Variants in AGFG1 observed in about 807,000 individuals in gnomAD.
AGFG1 encodes ArfGAP with FG repeats 1.
A neutral mutation model predicts 60.6 loss-of-function variants in AGFG1; 10 were observed. That is an observed-to-expected ratio of 0.16 (90% CI 0.10 to 0.28). AGFG1 has a LOEUF of 0.28. AGFG1 is among the 10% of genes least tolerant of loss of function. The probability of loss-of-function intolerance (pLI) is 1.00; values close to 1 mark genes in which losing one functional copy is unlikely to be tolerated. For missense variants in AGFG1, 537 were observed against 676.5 expected, an observed-to-expected ratio of 0.79 and a Z score of 2.29; for synonymous variants, 247 against 242.9, an observed-to-expected ratio of 1.02 and a Z score of -0.16.
At chr2:227,553,620 C>A in intron 11 of AGFG1, 84 bp from the exon 12 acceptor site, 1 of 1,121,760 alleles carries the variant, frequency 8.9e-7, no homozygotes, top group Non-Finnish European at 1.3e-6. Flanking sequence ...GTAGGAATGT[C>A]TCTGAAAGTT....
chr2:227,549,973 CTT>C, intron 10 of AGFG1: 2 of 406,876 alleles, frequency 4.9e-6, no homozygotes, highest in Non-Finnish European at 1.0e-5. Flanking sequence ...AATTTTATAA[CTT>C]TTTAATGAAA....
At position 227,557,406 on chromosome 2, in the gene AGFG1, T is replaced by A. The variant is rs1296455163; in HGVS notation, c.*2911T>A. The A allele has an allele frequency of 6.6e-6, 1 of 152,156 alleles. No individual in the cohort carries two copies. Among genetic ancestry groups the A allele is most frequent in the Non-Finnish European group, 1.5e-5 (1 of 68,038 alleles). The allele number at this position is 152,156 out of a possible 1,614,324, so 9.4% of individuals were successfully genotyped here. Reference sequence around the variant, plus strand: ...CCCGCCCCCCTGCACACACACCCACTTTAGTACAGTTCCTGTCAATTGGCA... The same window carrying A: ...CCCGCCCCCCTGCACACACACCCACATTAGTACAGTTCCTGTCAATTGGCA... On this transcript the variant is annotated 3_prime_UTR_variant, in exon 13 of 13. Transcript: ENST00000310078.
At chr2:227,498,507 C>G (rs1385594835) in intron 2 of AGFG1, among the ~76,000 whole-genome samples, 1 of 152,150 alleles carries the variant, frequency 6.6e-6, no homozygotes, top group Non-Finnish European at 1.5e-5. Context: ...TATTTATGCA[C>G]GTCTGGCCTT....
chr2:227,520,932 G>A (rs1308641346), intron 3 of AGFG1, among the ~76,000 whole-genome samples: 1 of 152,214 alleles, frequency 6.6e-6, no homozygotes, highest in Non-Finnish European at 1.5e-5. Flanking sequence ...TCTGTTCAGA[G>A]CCTGTTTTGG....
chr2:227,522,824 G>A (rs1252488834), intron 3 of AGFG1, among the ~76,000 whole-genome samples: 1 of 152,174 alleles, frequency 6.6e-6, no homozygotes, highest in Non-Finnish European at 1.5e-5. Context: ...CCTATGTTTG[G>A]ACATTATTAT....
At chr2:227,476,266 T>C (rs1257289435) in intron 1 of AGFG1, among the ~76,000 whole-genome samples, 1 of 152,196 alleles carries the variant, frequency 6.6e-6, no homozygotes, top group Non-Finnish European at 1.5e-5. Context: ...TTTATGGAAA[T>C]CCCTAAAATT....
intron 2 of AGFG1, among the ~76,000 whole-genome samples, chr2:227,519,663 A>G (rs1341718706): frequency 6.6e-6 from 1 of 152,176 alleles, no homozygotes; most frequent in East Asian, 1.9e-4. Flanking sequence ...TGACTTTGCT[A>G]ATGGTGAAGT....
rs1691938408 is a variant in AGFG1, at chr2:227,524,768, G to T, written c.547G>T (p.Val183Phe). 2 of 1,614,126 alleles carry T rather than the reference G, an allele frequency of 1.2e-6. No individual in the cohort carries two copies. Among genetic ancestry groups the T allele is most frequent in the Non-Finnish European group, 1.7e-6 (2 of 1,179,974 alleles). The stretch of plus-strand genomic sequence containing the variant: ...GTTAATATGTGGTTTGTAGTCCCCA[G>T]TTGTAGGTCGTTCTCAAGGGCAGCA... ...LNKGTPSQSP[V>F]VGRSQGQQQE... is the part of the protein sequence containing the mutation. The change falls in exon 5 of 13, where the codon GTT becomes TTT. Residue 183 changes from valine (V) to phenylalanine (F), a missense_variant. Around this residue, in one of 4 missense-constraint regions of AGFG1, gnomAD observed 102 missense variants for 82.9 expected, o/e 1.23. Coordinates refer to ENST00000310078, the MANE Select transcript of AGFG1 (RefSeq NM_004504.5).
intron 2 of AGFG1, among the ~76,000 whole-genome samples, chr2:227,497,723 C>CTTGTTTTTTT (rs1559173411): frequency 2.5e-5 from 2 of 80,300 alleles, no homozygotes; most frequent in Non-Finnish European, 2.5e-5. Flanking sequence ...AAATGAGTTT[C>CTTGTTTTTTT]TTTCTTGTTT....
At chr2:227,491,724 G>A (rs534970941) in intron 2 of AGFG1, 84 bp downstream of exon 2, 10 of 775,216 alleles carry the variant, frequency 1.3e-5, no homozygotes, top group Admixed American at 2.8e-5. Context: ...TATTTAAAAC[G>A]TTGAATTTCA....
intron 6 of AGFG1, among the ~76,000 whole-genome samples, chr2:227,532,518 A>C (rs1411719651): frequency 6.6e-6 from 1 of 152,170 alleles, no homozygotes; most frequent in Non-Finnish European, 1.5e-5. Context: ...ACTTACCTTT[A>C]ATTGAAACCA....
chr2:227,484,550 A>G (rs1690562624), intron 1 of AGFG1, among the ~76,000 whole-genome samples: 1 of 152,032 alleles, frequency 6.6e-6, no homozygotes, highest in South Asian at 2.1e-4. Flanking sequence ...TGTTACTGTA[A>G]TAAGATGATA....
rs1447632951 is a variant in AGFG1, at chr2:227,523,917, C to T, written c.532C>T (p.Pro178Ser). The T allele has an allele frequency of 5.0e-6, 8 of 1,612,964 alleles. No homozygotes were observed. Among genetic ancestry groups the T allele is most frequent in the East Asian group, 2.2e-5 (1 of 44,842 alleles). The stretch of plus-strand genomic sequence containing the variant: ...AACACTGCACTTAAATAAGGGCACA[C>T]CTAGTCAGGTGAGTAGTCTTTGAAT... ...APTLHLNKGT[P>S]SQSPVVGRSQ... Residue 178 changes from proline (P) to serine (S), a missense_variant, in exon 4 of 13, where the codon CCT becomes TCT. Transcript: ENST00000310078.
intron 1 of AGFG1, among the ~76,000 whole-genome samples, chr2:227,490,855 A>G (rs1690794627): frequency 6.6e-6 from 1 of 152,216 alleles, no homozygotes; most frequent in Non-Finnish European, 1.5e-5. Flanking sequence ...AAGGCCATCC[A>G]TACAGAAAAG....
At chr2:227,489,831 T>C (rs996044389) in intron 1 of AGFG1, among the ~76,000 whole-genome samples, 4 of 152,044 alleles carry the variant, frequency 2.6e-5, no homozygotes, top group African/African-American at 9.7e-5. Flanking sequence ...TTTTTTTTTT[T>C]TTGAGACAGA....
intron 5 of AGFG1, among the ~76,000 whole-genome samples, chr2:227,527,207 T>G (rs1231571641): frequency 6.6e-6 from 1 of 152,166 alleles, no homozygotes; most frequent in East Asian, 1.9e-4. Context: ...TTGGGCAAAT[T>G]ACCTAACATT....
chr2:227,514,885 T>C (rs894878107), intron 2 of AGFG1, among the ~76,000 whole-genome samples: 6 of 152,318 alleles, frequency 3.9e-5, no homozygotes, highest in African/African-American at 1.2e-4. Flanking sequence ...CTGCATCTTC[T>C]TGTTGCAGTC....
chr2:227,545,556 A>T (rs781387048), intron 10 of AGFG1, among the ~76,000 whole-genome samples: 22 of 152,012 alleles, frequency 1.4e-4, no homozygotes, highest in Non-Finnish European at 2.6e-4. Flanking sequence ...GGTTTTTAGA[A>T]TTTTCAGCCT....
intron 2 of AGFG1, among the ~76,000 whole-genome samples, chr2:227,516,117 C>T (rs950465178): frequency 2.0e-5 from 3 of 152,220 alleles, no homozygotes; most frequent in Non-Finnish European, 4.4e-5. Flanking sequence ...AATAAAATTA[C>T]AGGTAGAAAG....
Sources: gnomAD v4.1 joint callset for allele counts (sites outside exome capture counted in the v4.1 genomes callset) on GRCh38, gnomAD v4.1.1 for gene constraint, gnomAD v4.1.1 regional missense constraint, MANE v1.5 for transcripts, NCBI Gene and HGNC (gene_info 2026-07-23, HGNC 2026-07-21) for gene names.